The following MACF1 variants were observed in gnomAD, a reference collection of about 807,000 sequenced individuals.
MACF1 encodes microtubule-actin cross-linking factor 1.
Under a neutral mutation model 854.8 loss-of-function variants are expected in MACF1, and 193 were observed. The observed-to-expected ratio is 0.23, with a 90% confidence interval of 0.20 to 0.25. The LOEUF is 0.25. Among genes scored for constraint, MACF1 ranks in the 10% least tolerant of loss-of-function variants. MACF1 has a pLI of 1.00. For synonymous variants in MACF1, 3,185 were observed against 3,226.7 expected (o/e 0.99, Z 0.44); for missense variants, 7,722 against 8,929.1 (o/e 0.86, Z 5.45).
intron 21 of MACF1, among the ~76,000 whole-genome samples, chr1:39,299,436 T>G (rs1240519193): frequency 6.6e-6 from 1 of 152,162 alleles, no homozygotes; most frequent in Non-Finnish European, 1.5e-5. Context: ...ATGGACAAAG[T>G]TTATCTTTTA....
Position 39,316,427 on chromosome 1 carries a change from G to A in MACF1, c.3486G>A (p.Gln1162=), listed in dbSNP as rs1292925546. The change falls in exon 28 of 101, where the codon CAG becomes CAA. Residue 1162 remains glutamine (Q), a synonymous_variant. Coordinates refer to ENST00000564288, the MANE Select transcript of MACF1 (RefSeq NM_001394062.1). ...TTGATGTTATAGTACGTAGCATACA[G>A]GATGCTGAACTCTTGGTCAAAGGTT... is the stretch of plus-strand genomic sequence containing the variant. ...KTVDVIVRSI[Q]DAELLVKGYE... 6.2e-7 allele frequency: 1 copy of A among 1,613,908 alleles called. No individual in the cohort carries two copies. The highest frequency in any genetic ancestry group is 8.5e-7 in the Non-Finnish European group (1 of 1,179,828).
intron 89 of MACF1, 126 bp downstream of exon 89, chr1:39,455,223 A>G (rs560058651): frequency 2.3e-6 from 2 of 870,084 alleles, no homozygotes; most frequent in East Asian, 5.2e-5. Flanking sequence ...GCACTGTAAA[A>G]CAACACATAC....
intron 2 of MACF1, among the ~76,000 whole-genome samples, chr1:39,244,928 G>A (rs1644965906): frequency 1.3e-5 from 2 of 152,070 alleles, no homozygotes. Flanking sequence ...GGTCAGGGTG[G>A]TCTCCAACTC....
Position 39,361,378 on chromosome 1 carries a change from G to A in MACF1, c.12472G>A (p.Ala4158Thr), listed in dbSNP as rs543052863. 1 of 1,613,302 alleles carries A rather than the reference G, an allele frequency of 6.2e-7. No homozygotes were observed. The highest frequency in any genetic ancestry group is 1.3e-5 in the African/African-American group (1 of 75,032). Residue 4158 changes from alanine (A) to threonine (T), a missense_variant, in exon 49 of 101, where the codon GCT (alanine) becomes ACT (threonine). By Grantham distance (58) the Ala-to-Thr change is moderately conservative. Around this residue, in one of 15 missense-constraint regions of MACF1, gnomAD observed 2,807 missense variants for 3,235.8 expected, o/e 0.87. Transcript: ENST00000564288. ...ATNMKLKQDI[A>T]RQKSSLEATR... is the part of the protein sequence containing the mutation. ...ATGACAGAAATTGAAGCAGGACATT[G>A]CTCGGCAAAAGAGCAGCTTGGAGGC... is the stretch of plus-strand genomic sequence containing the variant.
chr1:39,292,724 C>G (rs1645818202), intron 16 of MACF1, 42 bp from the exon 17 acceptor site: 1 of 1,385,844 alleles, frequency 7.2e-7, no homozygotes, highest in African/African-American at 1.4e-5. Flanking sequence ...AGTTTACTTA[C>G]TCTTTCTCTA....
intron 2 of MACF1, among the ~76,000 whole-genome samples, chr1:39,175,813 T>A (rs151163646): frequency 0.017 from 2,515 of 150,286 alleles, 72 homozygotes; most frequent in African/African-American, 0.059. Context: ...ATTAGCCGGG[T>A]GTGGCCAGGT....
intron 66 of MACF1, 125 bp downstream of exon 66, chr1:39,431,033 A>C: frequency 1.1e-6 from 1 of 893,642 alleles, no homozygotes; most frequent in Non-Finnish European, 1.8e-6. Context: ...TGGTGGAATA[A>C]ATATGTTTCA....
At position 39,283,601 on chromosome 1, in the gene MACF1, G is replaced by T. The variant is rs1331987306; in HGVS notation, c.915+86G>T. The T allele has an allele frequency of 1.1e-6, 1 of 911,288 alleles. No homozygotes were observed. The highest frequency in any genetic ancestry group is 1.9e-5 in the Admixed American group (1 of 52,988). 56.5% of individuals were successfully genotyped at this position (911,288 alleles called of 1,614,324 possible). A position where few individuals can be genotyped will look rare whatever the true frequency, so the allele number is the denominator to read the frequency against. Reference sequence around the variant, plus strand: ...GTTAGACACTTTCTTAAGCACTTATGGTATACTCATGGTATCAAACTATAT... The same window carrying T: ...GTTAGACACTTTCTTAAGCACTTATTGTATACTCATGGTATCAAACTATAT... On this transcript the variant is annotated intron_variant, in intron 9 of 100. Coordinates refer to ENST00000564288, the MANE Select transcript of MACF1 (RefSeq NM_001394062.1). This position sits in a 1 kb window ranked among gnomAD's most constrained non-coding sequence, Gnocchi z 4.5.
intron 87 of MACF1, 141 bp from the exon 88 acceptor site, chr1:39,453,566 A>G (rs930318325): frequency 5.8e-6 from 4 of 687,108 alleles, no homozygotes; most frequent in South Asian, 2.0e-5. Flanking sequence ...AATGCCATAA[A>G]TAACTATACA....
chr1:39,116,876 T>G (rs1247177172), intron 2 of MACF1, among the ~76,000 whole-genome samples: 1 of 152,190 alleles, frequency 6.6e-6, no homozygotes, highest in Non-Finnish European at 1.5e-5. Context: ...ATGAGTGAAC[T>G]CCAGGCCTAG....
Position 39,084,206 on chromosome 1 carries a change from C to A in MACF1, c.-13C>A. The A allele has an allele frequency of 1.2e-6, 2 of 1,611,146 alleles. No individual in the cohort carries two copies. The highest frequency in any genetic ancestry group is 1.7e-6 in the Non-Finnish European group (2 of 1,179,536). ...GGCTCCCAGGCCCTCCTGCAGCAGC[C>A]CCCGCCTGGGCCATGTCTTCCTCAG... On this transcript the variant is annotated 5_prime_UTR_variant, in exon 2 of 94. Transcript: ENST00000361689. This position sits in a 1 kb window ranked among gnomAD's most constrained non-coding sequence, Gnocchi z 5.2.
At chr1:39,250,192 C>A in intron 3 of MACF1, 89 bp downstream of exon 3, 1 of 808,254 alleles carries the variant, frequency 1.2e-6, no homozygotes, top group South Asian at 1.7e-5. Flanking sequence ...CAGCAGCCAT[C>A]ACTGTTTCAT....
chr1:39,425,417 A>G (rs1243629736), intron 61 of MACF1, among the ~76,000 whole-genome samples: 1 of 152,194 alleles, frequency 6.6e-6, no homozygotes, highest in Non-Finnish European at 1.5e-5. Context: ...TTTCAAGCTC[A>G]GAGATATTTA....
chr1:39,175,405 A>C (rs1283588399), intron 2 of MACF1, among the ~76,000 whole-genome samples: 1 of 152,220 alleles, frequency 6.6e-6, no homozygotes, highest in East Asian at 1.9e-4. Flanking sequence ...CAGAATGCTC[A>C]CAATGTGAAG....
intron 30 of MACF1, 139 bp downstream of exon 30, chr1:39,318,754 A>G (rs1423812199): frequency 1.0e-6 from 1 of 952,716 alleles, no homozygotes; most frequent in East Asian, 2.7e-5. Context: ...TGGTTTGAGC[A>G]GGATCGTCCC....
chr1:39,265,413 G>A (rs571574356), intron 6 of MACF1, among the ~76,000 whole-genome samples: 18 of 152,152 alleles, frequency 1.2e-4, no homozygotes, highest in Non-Finnish European at 2.2e-4. Flanking sequence ...CAAGTCTTGT[G>A]TTAAGAGACC....
intron 97 of MACF1, among the ~76,000 whole-genome samples, chr1:39,475,152 T>A (rs1644854791): frequency 6.6e-6 from 1 of 152,132 alleles, no homozygotes; most frequent in Non-Finnish European, 1.5e-5. Flanking sequence ...GATGCCAAGT[T>A]AAAGCTCTCC....
chr1:39,482,701 AG>A (rs1284519837), intron 99 of MACF1, among the ~76,000 whole-genome samples: 1 of 150,494 alleles, frequency 6.6e-6, no homozygotes, highest in Non-Finnish European at 1.5e-5. Context: ...AGGCTGAGGC[AG>A]GAGATCACTT....
intron 58 of MACF1, chr1:39,411,762 G>A (rs2148614835): frequency 6.2e-7 from 1 of 1,613,760 alleles, no homozygotes; most frequent in African/African-American, 1.3e-5. Context: ...CTGCATCCCA[G>A]GATGCAGAAA....
Sources: allele counts gnomAD v4.1 joint callset (sites outside exome capture counted in the v4.1 genomes callset), GRCh38; gene constraint gnomAD v4.1.1; regional missense constraint gnomAD v4.1.1; non-coding constraint Gnocchi (gnomAD v3.1); transcripts MANE v1.5; gene names NCBI Gene and HGNC (gene_info 2026-07-23, HGNC 2026-07-21).